ZC3H18: variants seen among roughly 807,000 people sequenced by gnomAD.
ZC3H18 encodes the protein zinc finger CCCH-type containing 18, also known as zinc finger CCCH domain-containing protein 18.
In ZC3H18, 8 loss-of-function variants were observed where a neutral mutation model predicts 106.1. The ratio of observed to expected loss-of-function variants is 0.08; its 90% CI spans 0.04 to 0.14. ZC3H18 has a LOEUF of 0.14. Among genes scored for constraint, ZC3H18 ranks in the 10% least tolerant of loss-of-function variants. The pLI, the probability that ZC3H18 is intolerant of heterozygous loss-of-function variation, is 1.00. For missense variants in ZC3H18, 1,318 were observed against 1,278.4 expected (o/e 1.03, Z -0.47); for synonymous variants, 635 against 522.1 (o/e 1.22, Z -2.95).
rs74033313 is a variant in ZC3H18, at chr16:88,594,578, T to A, written c.689-3600T>A. On this transcript the variant is annotated intron_variant, in intron 3 of 17. Coordinates refer to ENST00000301011, the MANE Select transcript of ZC3H18 (RefSeq NM_144604.4). ...GTTGCTACTGAGCATGCAGGTTCCC[T>A]TTCTGTAGTTACATTGTTTAGTGAA... Among the ~76,000 whole-genome samples, 310 of 152,316 alleles carry A rather than the reference T, an allele frequency of 2.0e-3. 3 individuals carry two copies. Among genetic ancestry groups the A allele is most frequent in the African/African-American group, 7.3e-3 (305 of 41,574 alleles).
intron 3 of ZC3H18, among the ~76,000 whole-genome samples, chr16:88,587,285 T>C (rs918012258): frequency 1.3e-5 from 2 of 152,212 alleles, no homozygotes; most frequent in African/African-American, 4.8e-5. Flanking sequence ...AGCCTGATGA[T>C]GTTAGGGCTT....
chr16:88,606,170 G>A (rs914390863), intron 6 of ZC3H18, among the ~76,000 whole-genome samples: 2 of 152,236 alleles, frequency 1.3e-5, no homozygotes, highest in African/African-American at 4.8e-5. Flanking sequence ...GGAAGAGTTT[G>A]TGCATACCAT....
chr16:88,572,446 T>G (rs8055488), intron 1 of ZC3H18, among the ~76,000 whole-genome samples: 37,438 of 151,674 alleles, frequency 0.25, 5,141 homozygotes, highest in Middle Eastern at 0.34. Context: ...AGTTCCTCAA[T>G]TAACGAGTTT....
At chr16:88,581,354 G>A (rs1436855081) in intron 2 of ZC3H18, among the ~76,000 whole-genome samples, 1 of 152,056 alleles carries the variant, frequency 6.6e-6, no homozygotes, top group Non-Finnish European at 1.5e-5. Flanking sequence ...TTAGATTTTG[G>A]GTCACTGGGA....
chr16:88,604,978 G>A (rs1329798212), intron 6 of ZC3H18, among the ~76,000 whole-genome samples: 3 of 152,208 alleles, frequency 2.0e-5, no homozygotes, highest in Admixed American at 6.5e-5. Context: ...TATTAGAGGC[G>A]GAGGTGCAGG....
Position 88,572,206 on chromosome 16 carries a change from G to A in ZC3H18, c.-15+1640G>A, listed in dbSNP as rs968266545. ...TTAGGCTTGGAAGGTCATTCGCAAT[G>A]AGAAGGTCCCCAAACGCTCTGCATT... On this transcript the variant is annotated intron_variant, in intron 1 of 17. Transcript: ENST00000301011. 1.3e-5 allele frequency among the ~76,000 whole-genome samples: 2 copies of A among 152,260 alleles called. 1 individual carries two copies. The highest frequency in any genetic ancestry group is 4.1e-4 in the South Asian group (2 of 4,832).
At chr16:88,608,226 G>A (rs925075395) in intron 6 of ZC3H18, among the ~76,000 whole-genome samples, 1 of 152,234 alleles carries the variant, frequency 6.6e-6, no homozygotes, top group African/African-American at 2.4e-5. Context: ...CCTCCACACA[G>A]GGACAGGTGG....
At chr16:88,613,235 G>A (rs139414441) in intron 8 of ZC3H18, among the ~76,000 whole-genome samples, 103 of 152,326 alleles carry the variant, frequency 6.8e-4, no homozygotes, top group African/African-American at 2.4e-3. Context: ...TGGATGCACC[G>A]CATTGCATTT....
intron 11 of ZC3H18, 121 bp from the exon 12 acceptor site, chr16:88,624,481 C>G (rs1906170048): frequency 7.0e-7 from 1 of 1,420,524 alleles, no homozygotes; most frequent in South Asian, 1.2e-5. Context: ...CACGAGCGTG[C>G]TCACCGAGCG....
At chr16:88,586,290 G>T (rs578061204) in intron 2 of ZC3H18, among the ~76,000 whole-genome samples, 2 of 152,164 alleles carry the variant, frequency 1.3e-5, no homozygotes, top group African/African-American at 2.4e-5. Context: ...TTAAAACCCC[G>T]AAGTGTTACT....
chr16:88,609,485 A>G (rs1218610275), intron 7 of ZC3H18, among the ~76,000 whole-genome samples: 1 of 151,674 alleles, frequency 6.6e-6, no homozygotes, highest in East Asian at 1.9e-4. Context: ...TTTTTTTTGT[A>G]GAGACGGGGT....
intron 3 of ZC3H18, among the ~76,000 whole-genome samples, chr16:88,594,139 A>G (rs1451983902): frequency 1.3e-5 from 2 of 152,202 alleles, no homozygotes; most frequent in East Asian, 1.9e-4. Context: ...GCGGCCCTTC[A>G]TGGTCGATCG....
At chr16:88,596,579 G>T (rs543346778) in intron 3 of ZC3H18, among the ~76,000 whole-genome samples, 1 of 152,270 alleles carries the variant, frequency 6.6e-6, no homozygotes, top group Non-Finnish European at 1.5e-5. Flanking sequence ...GGTGGAGGTT[G>T]CAGTGAGCCG....
In ZC3H18 at chr16:88,619,585, T is replaced by C. The variant is rs543946840; in HGVS notation, c.1476-2612T>C. On this transcript the variant is annotated intron_variant, in intron 8 of 17. Transcript: ENST00000301011. Reference sequence around the variant, plus strand: ...ATTGTCTCCAGAGGGAATGAGCAGCTCTTTCTGGGGGGCAAGCACCAGCTG... The same window carrying C: ...ATTGTCTCCAGAGGGAATGAGCAGCCCTTTCTGGGGGGCAAGCACCAGCTG... Among the ~76,000 whole-genome samples the C allele has an allele frequency of 3.9e-5, 6 of 152,286 alleles. No homozygotes were observed. The East Asian group carries it at 1.2e-3, about 29-fold the overall frequency.
chr16:88,576,466 G>GCAAC (rs1256892110), intron 1 of ZC3H18, among the ~76,000 whole-genome samples: 1 of 152,174 alleles, frequency 6.6e-6, no homozygotes, highest in Non-Finnish European at 1.5e-5. Flanking sequence ...TGCTGAGCGG[G>GCAAC]TGAACACAGC....
chr16:88,575,378 C>G (rs1914681748), intron 1 of ZC3H18, among the ~76,000 whole-genome samples: 1 of 151,970 alleles, frequency 6.6e-6, no homozygotes, highest in Non-Finnish European at 1.5e-5. Context: ...CCAGACCTTG[C>G]CGAGATGCCG....
chr16:88,631,398 T>C lies in ZC3H18; in HGVS notation c.*99T>C. ...GTCTTATTTTGGCTGTGATTCTTTT[T>C]AAAAAGTAAAAAAGAAAAAAAAGTT... On this transcript the variant is annotated 3_prime_UTR_variant, in exon 18 of 18. Coordinates refer to ENST00000301011, the MANE Select transcript of ZC3H18 (RefSeq NM_144604.4). 1 of 1,458,856 alleles carries C rather than the reference T, an allele frequency of 6.9e-7. No homozygotes were observed. The highest frequency in any genetic ancestry group is 2.4e-5 in the Admixed American group (1 of 42,266). 90.4% of individuals were successfully genotyped at this position (1,458,856 alleles called of 1,614,324 possible).
chr16:88,575,119 G>A (rs571039027), intron 1 of ZC3H18, among the ~76,000 whole-genome samples: 43 of 151,726 alleles, frequency 2.8e-4, no homozygotes, highest in African/African-American at 1.0e-3. Flanking sequence ...GTGAGCCACC[G>A]TGCCCGGCCT....
At chr16:88,574,033 C>T (rs1305125392) in intron 1 of ZC3H18, among the ~76,000 whole-genome samples, 2 of 151,782 alleles carry the variant, frequency 1.3e-5, no homozygotes, top group South Asian at 2.1e-4. Context: ...ACCACCATGC[C>T]CAGCTAATGT....
Sources: allele counts gnomAD v4.1 joint callset (sites outside exome capture counted in the v4.1 genomes callset), GRCh38; gene constraint gnomAD v4.1.1; transcripts MANE v1.5; gene names NCBI Gene and HGNC (gene_info 2026-07-23, HGNC 2026-07-21).